Variants in MYO3B observed in about 807,000 individuals in gnomAD.
The protein encoded by MYO3B is myosin IIIB.
In MYO3B, 156 loss-of-function variants were observed where a neutral mutation model predicts 174.6. The observed-to-expected ratio is 0.89, with a 90% CI of 0.78 to 1.02. The LOEUF is 1.02. Among genes scored for constraint, MYO3B ranks in the 50% least tolerant of loss-of-function variants. The pLI is 0.00. For missense variants in MYO3B, 1,632 were observed against 1,639.4 expected (o/e 1.00, Z 0.08); for synonymous variants, 563 against 569.1 (o/e 0.99, Z 0.15).
intron 30 of MYO3B, among the ~76,000 whole-genome samples, chr2:170,521,526 C>G (rs546911502): frequency 8.5e-5 from 13 of 152,182 alleles, no homozygotes; most frequent in African/African-American, 3.1e-4. Context: ...TTCCACCGCC[C>G]TTCTCTTCAC....
At chr2:170,507,339 A>G (rs1468708021) in intron 28 of MYO3B, among the ~76,000 whole-genome samples, 2 of 152,014 alleles carry the variant, frequency 1.3e-5, no homozygotes, top group Non-Finnish European at 2.9e-5. Flanking sequence ...CTTCACTCTC[A>G]TGCTATCTTG....
At chr2:170,536,174 A>G (rs1187454236) in intron 30 of MYO3B, among the ~76,000 whole-genome samples, 1 of 152,228 alleles carries the variant, frequency 6.6e-6, no homozygotes, top group Non-Finnish European at 1.5e-5. Context: ...GGGGAAAAGC[A>G]ATGAGGCAAA....
intron 32 of MYO3B, among the ~76,000 whole-genome samples, chr2:170,546,253 C>A (rs1690474591): frequency 6.6e-6 from 1 of 152,164 alleles, no homozygotes; most frequent in African/African-American, 2.4e-5. Context: ...TTTAATGCAT[C>A]TACTAGATTT....
At chr2:170,557,372 C>G (rs1308625249) in intron 32 of MYO3B, among the ~76,000 whole-genome samples, 1 of 151,952 alleles carries the variant, frequency 6.6e-6, no homozygotes, top group East Asian at 1.9e-4. Flanking sequence ...ATCTCCTGAC[C>G]TCGTGATCCG....
chr2:170,527,600 T>G (rs76838403), intron 30 of MYO3B, among the ~76,000 whole-genome samples: 1,948 of 152,258 alleles, frequency 0.013, 39 homozygotes, highest in African/African-American at 0.044. Flanking sequence ...TTTGATTCTC[T>G]CCCGCTGTCT....
At chr2:170,191,441 G>C (rs2092539456) in intron 1 of MYO3B, among the ~76,000 whole-genome samples, 1 of 152,012 alleles carries the variant, frequency 6.6e-6, no homozygotes, top group Admixed American at 6.6e-5. Flanking sequence ...CTACCTTTCA[G>C]ATTTCTTTAG....
chr2:170,325,244 G>C (rs954915388), intron 7 of MYO3B, among the ~76,000 whole-genome samples: 1 of 151,860 alleles, frequency 6.6e-6, no homozygotes, highest in Non-Finnish European at 1.5e-5. Context: ...GTCTCGCTTT[G>C]TTGCCCAGGC....
intron 25 of MYO3B, among the ~76,000 whole-genome samples, chr2:170,478,936 T>C (rs1035589984): frequency 6.7e-6 from 1 of 149,020 alleles, no homozygotes; most frequent in Non-Finnish European, 1.5e-5. Flanking sequence ...TAAACCTATA[T>C]ATATATAATA....
At chr2:170,378,354 A>G (rs1182045386) in intron 9 of MYO3B, among the ~76,000 whole-genome samples, 1 of 152,190 alleles carries the variant, frequency 6.6e-6, no homozygotes, top group Non-Finnish European at 1.5e-5. Flanking sequence ...TGAGAAAACG[A>G]AGTGGTCTTT....
chr2:170,554,226 T>C (rs1393946114), intron 32 of MYO3B, among the ~76,000 whole-genome samples: 1 of 152,208 alleles, frequency 6.6e-6, no homozygotes, highest in Non-Finnish European at 1.5e-5. Flanking sequence ...ATAGTCCTAG[T>C]AGTTTACCTC....
chr2:170,531,790 A>T (rs547027670), intron 30 of MYO3B, among the ~76,000 whole-genome samples: 7 of 151,902 alleles, frequency 4.6e-5, no homozygotes, highest in Non-Finnish European at 7.4e-5. Flanking sequence ...GATGGATGGA[A>T]GGAAGGAAGG....
rs1386755309 is a variant in MYO3B at position 170,327,321 on chromosome 2, A to AC, written c.750-8064_750-8063insC. 2.0e-5 allele frequency among the ~76,000 whole-genome samples: 3 copies of AC among 152,290 alleles called. No individual in the cohort carries two copies. In the East Asian group the frequency reaches 5.8e-4, roughly 29 times the overall value. On this transcript the variant is annotated intron_variant, in intron 7 of 34. Coordinates refer to ENST00000408978, the MANE Select transcript of MYO3B (RefSeq NM_138995.5). ...AATCGCTTGAACCCAGGAGATGGAG[A>AC]TTGAAGTGAGCTGAGATCACGCCAC...
intron 32 of MYO3B, among the ~76,000 whole-genome samples, chr2:170,638,190 T>G (rs1364528913): frequency 6.6e-6 from 1 of 152,138 alleles, no homozygotes; most frequent in East Asian, 1.9e-4. Flanking sequence ...CTGCCCTCTC[T>G]ATGTGTAAAA....
intron 32 of MYO3B, chr2:170,601,673 C>G (rs1220626010): frequency 1.4e-6 from 2 of 1,477,992 alleles, no homozygotes; most frequent in African/African-American, 1.4e-5. Flanking sequence ...TCCTCCTCTT[C>G]CTTCTTTTTC....
At chr2:170,321,105 A>C (rs1326740389) in intron 7 of MYO3B, among the ~76,000 whole-genome samples, 2 of 152,182 alleles carry the variant, frequency 1.3e-5, no homozygotes, top group South Asian at 4.1e-4. Context: ...TCTGCTAAAA[A>C]AATCGAGAAA....
At chr2:170,496,729 C>G (rs1217500747) in intron 25 of MYO3B, among the ~76,000 whole-genome samples, 2 of 151,738 alleles carry the variant, frequency 1.3e-5, no homozygotes, top group Non-Finnish European at 2.9e-5. Flanking sequence ...ACTGCAGCCC[C>G]AAACTCTGGG....
At chr2:170,401,816 T>G in intron 18 of MYO3B, 125 bp downstream of exon 18, 3 of 943,494 alleles carry the variant, frequency 3.2e-6, no homozygotes, top group Non-Finnish European at 4.6e-6. Flanking sequence ...TTTTTTTTTT[T>G]TGTGGAGTCA....
chr2:170,480,712 T>C (rs1360633431), intron 25 of MYO3B, among the ~76,000 whole-genome samples: 2 of 152,164 alleles, frequency 1.3e-5, no homozygotes, highest in Admixed American at 6.6e-5. Flanking sequence ...AATGTCCAAA[T>C]TGATTTGAAG....
intron 32 of MYO3B, among the ~76,000 whole-genome samples, chr2:170,578,156 G>T (rs1397162153): frequency 6.6e-6 from 1 of 152,170 alleles, no homozygotes; most frequent in African/African-American, 2.4e-5. Flanking sequence ...AGGTAGAAGG[G>T]GCATATGCTC....
Sources: gnomAD v4.1 joint callset for allele counts (sites outside exome capture counted in the v4.1 genomes callset) on GRCh38, gnomAD v4.1.1 for gene constraint, MANE v1.5 for transcripts, NCBI Gene and HGNC (gene_info 2026-07-23, HGNC 2026-07-21) for gene names.